POFUT3: variants seen among roughly 807,000 people sequenced by gnomAD.
POFUT3 encodes protein O-fucosyltransferase 3.
the POFUT3 span, among the ~76,000 whole-genome samples, chr8:33,413,090 C>A: frequency 6.6e-6 from 1 of 152,184 alleles, no homozygotes; most frequent in South Asian, 2.1e-4. Flanking sequence ...TTATTCACTT[C>A]TTTTTCTTCC....
the POFUT3 span, among the ~76,000 whole-genome samples, chr8:33,313,834 T>C: frequency 2.0e-5 from 3 of 152,176 alleles, no homozygotes; most frequent in African/African-American, 4.8e-5. Flanking sequence ...TGTTGACTCA[T>C]ATGGAACCTA....
At chr8:33,458,101 G>A in the POFUT3 span, among the ~76,000 whole-genome samples, 3 of 152,072 alleles carry the variant, frequency 2.0e-5, no homozygotes, top group East Asian at 5.8e-4. Flanking sequence ...ATTAGGACTG[G>A]TGTCCTTATA....
At chr8:33,448,808 C>A in the POFUT3 span, among the ~76,000 whole-genome samples, 41 of 152,006 alleles carry the variant, frequency 2.7e-4, no homozygotes, top group African/African-American at 9.2e-4. Flanking sequence ...GTGGTGCACT[C>A]CTATAATCCC....
At chr8:33,444,302 T>C in the POFUT3 span, among the ~76,000 whole-genome samples, 1 of 151,878 alleles carries the variant, frequency 6.6e-6, no homozygotes, top group South Asian at 2.1e-4. Flanking sequence ...GTTGGAGCAA[T>C]GGCAAGTGAA....
At chr8:33,350,568 A>C in the POFUT3 span, among the ~76,000 whole-genome samples, 21 of 152,208 alleles carry the variant, frequency 1.4e-4, 1 homozygote, top group Admixed American at 1.3e-3. Context: ...ATTGATTGAC[A>C]TGGGAAGAGG....
the POFUT3 span, among the ~76,000 whole-genome samples, chr8:33,324,125 G>C: frequency 2.0e-5 from 3 of 152,072 alleles, no homozygotes; most frequent in African/African-American, 7.2e-5. Flanking sequence ...CAGTCAGCTG[G>C]GATGTAGTAA....
chr8:33,395,811 C>G, the POFUT3 span, among the ~76,000 whole-genome samples: 115 of 152,242 alleles, frequency 7.6e-4, 1 homozygote, highest in African/African-American at 2.8e-3. Context: ...CTGCTGGCGC[C>G]CAAAAGCACT....
the POFUT3 span, among the ~76,000 whole-genome samples, chr8:33,431,533 G>C: frequency 1.1e-5 from 1 of 87,250 alleles, no homozygotes; most frequent in East Asian, 3.9e-4. Context: ...GGGCAACAGA[G>C]CAAGACCCTG....
chr8:33,328,545 G>A, the POFUT3 span, among the ~76,000 whole-genome samples: 1 of 152,108 alleles, frequency 6.6e-6, no homozygotes, highest in Non-Finnish European at 1.5e-5. Flanking sequence ...CTGGTCTCTG[G>A]GCACAGATCC....
At chr8:33,448,996 C>T in the POFUT3 span, among the ~76,000 whole-genome samples, 17 of 152,180 alleles carry the variant, frequency 1.1e-4, no homozygotes, top group Admixed American at 6.5e-4. Context: ...CAAAGCAGTG[C>T]GCTATATACA....
the POFUT3 span, among the ~76,000 whole-genome samples, chr8:33,454,333 A>G: frequency 6.6e-6 from 1 of 152,108 alleles, no homozygotes; most frequent in Non-Finnish European, 1.5e-5. Flanking sequence ...TCCTCTTCAA[A>G]GCCAGCAACA....
chr8:33,425,857 C>A, the POFUT3 span, among the ~76,000 whole-genome samples: 1 of 147,730 alleles, frequency 6.8e-6, no homozygotes, highest in Non-Finnish European at 1.5e-5. Context: ...ATGCAGGAGG[C>A]GTTCAAAGGT....
At chr8:33,334,724 T>G in the POFUT3 span, among the ~76,000 whole-genome samples, 1 of 152,188 alleles carries the variant, frequency 6.6e-6, no homozygotes, top group Non-Finnish European at 1.5e-5. Context: ...AACTACAAAA[T>G]AAGCAAACAG....
At chr8:33,340,515 C>T in the POFUT3 span, among the ~76,000 whole-genome samples, 2 of 151,660 alleles carry the variant, frequency 1.3e-5, no homozygotes, top group African/African-American at 2.4e-5. Context: ...AAATATGACC[C>T]AACTACACGC....
At chr8:33,437,129 G>A in the POFUT3 span, among the ~76,000 whole-genome samples, 7 of 152,244 alleles carry the variant, frequency 4.6e-5, no homozygotes, top group Admixed American at 1.3e-4. Flanking sequence ...AGTATTCCAC[G>A]GTGTATATGA....
the POFUT3 span, among the ~76,000 whole-genome samples, chr8:33,440,391 C>A: frequency 2.0e-5 from 3 of 152,002 alleles, no homozygotes; most frequent in Admixed American, 6.6e-5. Context: ...TAATTAAAGT[C>A]AAAATGCTCA....
At chr8:33,466,253 C>CA in the POFUT3 span, among the ~76,000 whole-genome samples, 2 of 151,658 alleles carry the variant, frequency 1.3e-5, no homozygotes, top group Non-Finnish European at 2.9e-5. Flanking sequence ...TCCGTCTCTA[C>CA]AAAAAAAATT....
the POFUT3 span, among the ~76,000 whole-genome samples, chr8:33,451,498 G>A: frequency 6.6e-6 from 1 of 151,866 alleles, no homozygotes; most frequent in African/African-American, 2.4e-5. Context: ...ATGCATATAT[G>A]TAGATGTATA....
chr8:33,433,089 C>A, the POFUT3 span, among the ~76,000 whole-genome samples: 1 of 151,918 alleles, frequency 6.6e-6, no homozygotes, highest in South Asian at 2.1e-4. Flanking sequence ...CAAAAATTAG[C>A]CGGGCACGGT....
Sources: gnomAD v4.1 joint callset for allele counts (sites outside exome capture counted in the v4.1 genomes callset) on GRCh38, gnomAD v4.1.1 for gene constraint, MANE v1.5 for transcripts, NCBI Gene and HGNC (gene_info 2026-07-23, HGNC 2026-07-21) for gene names.